PDE4D: variants seen among roughly 807,000 people sequenced by gnomAD.
The protein encoded by PDE4D is phosphodiesterase 4D.
In PDE4D, 24 loss-of-function variants were observed where a neutral mutation model predicts 87.4. That is an observed-to-expected ratio of 0.27 (90% CI 0.20 to 0.39). The LOEUF (loss-of-function observed/expected upper bound fraction) is 0.39, where lower values mean the gene tolerates loss of function less well. Among genes scored for constraint, PDE4D ranks in the 10% least tolerant of loss-of-function variants. PDE4D has a pLI of 1.00. For synonymous variants in PDE4D, 384 were observed against 383.2 expected (o/e 1.00, Z -0.02); for missense variants, 714 against 1,041.0 (o/e 0.69, Z 4.32).
chr5:60,127,885 A>C (rs1196416713), intron 2 of PDE4D, among the ~76,000 whole-genome samples: 1 of 152,152 alleles, frequency 6.6e-6, no homozygotes, highest in African/African-American at 2.4e-5. Flanking sequence ...AGTGTAAGGC[A>C]ATAAAAAGGA....
In PDE4D at chr5:59,612,028, C is replaced by G. The variant is rs1561322584; in HGVS notation, c.455+281140G>C. Among the ~76,000 whole-genome samples, 3 of 152,156 alleles carry G rather than the reference C, an allele frequency of 2.0e-5. 1 individual carries two copies. The South Asian group carries it at 6.2e-4, about 31-fold the overall frequency. ...GGTCAGAAACTATGATTTTGTCTCTCCTGAACAGCACAATGTCTCATTAAA... is the reference window on the plus strand; with the variant it reads ...GGTCAGAAACTATGATTTTGTCTCTGCTGAACAGCACAATGTCTCATTAAA... On this transcript the variant is annotated intron_variant, in intron 1 of 14. Transcript: ENST00000340635.
At chr5:59,934,780 C>G (rs187161859) in intron 3 of PDE4D, among the ~76,000 whole-genome samples, 1 of 151,860 alleles carries the variant, frequency 6.6e-6, no homozygotes, top group Non-Finnish European at 1.5e-5. Context: ...AAGATTGGTA[C>G]GAGATCTTTA....
At chr5:58,986,657 G>A (rs571518625) in intron 11 of PDE4D, among the ~76,000 whole-genome samples, 105 of 152,300 alleles carry the variant, frequency 6.9e-4, no homozygotes, top group African/African-American at 2.3e-3. Context: ...AGATGGAACA[G>A]TTTCATCCCA....
At chr5:60,069,177 T>C (rs1383475223) in intron 2 of PDE4D, among the ~76,000 whole-genome samples, 1 of 152,196 alleles carries the variant, frequency 6.6e-6, no homozygotes. Flanking sequence ...AATGTTGGTG[T>C]CACCCAAAAT....
At chr5:59,756,051 T>C (rs760633401) in intron 1 of PDE4D, among the ~76,000 whole-genome samples, 1 of 151,616 alleles carries the variant, frequency 6.6e-6, no homozygotes. Flanking sequence ...ATAATATTTC[T>C]ATGCTAAACC....
At chr5:60,496,085 T>C (rs551923278) in intron 1 of PDE4D, among the ~76,000 whole-genome samples, 3 of 152,298 alleles carry the variant, frequency 2.0e-5, no homozygotes, top group Admixed American at 1.3e-4. Flanking sequence ...CTATTTCCTT[T>C]TGCTGCCAAT....
At chr5:60,495,938 G>A (rs1426431361) in intron 1 of PDE4D, among the ~76,000 whole-genome samples, 1 of 152,188 alleles carries the variant, frequency 6.6e-6, no homozygotes, top group Non-Finnish European at 1.5e-5. Context: ...AAGCAAAACA[G>A]GGCTATTTGT....
At chr5:60,275,095 G>GTGC (rs147863849) in intron 1 of PDE4D, among the ~76,000 whole-genome samples, 11 of 152,262 alleles carry the variant, frequency 7.2e-5, no homozygotes, top group Admixed American at 2.0e-4. Context: ...AAGTTTCCAA[G>GTGC]TGCTGCTGCT....
At chr5:59,855,092 T>A (rs550622768) in intron 1 of PDE4D, among the ~76,000 whole-genome samples, 4 of 152,178 alleles carry the variant, frequency 2.6e-5, no homozygotes, top group African/African-American at 9.6e-5. Context: ...ATCCAGTAAG[T>A]CTAGAAGGGG....
chr5:59,508,563 A>T (rs980998779), intron 1 of PDE4D, among the ~76,000 whole-genome samples: 11 of 151,938 alleles, frequency 7.2e-5, no homozygotes, highest in African/African-American at 2.4e-4. Context: ...GAAAATGCAT[A>T]AAAAAAATAA....
intron 1 of PDE4D, among the ~76,000 whole-genome samples, chr5:60,468,444 C>T (rs1186875266): frequency 6.6e-6 from 1 of 151,562 alleles, no homozygotes; most frequent in Non-Finnish European, 1.5e-5. Context: ...CAGTCTACAT[C>T]CTAACTTTTC....
At chr5:60,423,675 G>A (rs1260969333) in intron 1 of PDE4D, among the ~76,000 whole-genome samples, 3 of 151,950 alleles carry the variant, frequency 2.0e-5, no homozygotes, top group Non-Finnish European at 4.4e-5. Context: ...GCTAGCAGAA[G>A]ACAAGAAATA....
At chr5:59,369,401 G>C (rs1442960326) in intron 1 of PDE4D, among the ~76,000 whole-genome samples, 4 of 152,084 alleles carry the variant, frequency 2.6e-5, no homozygotes, top group African/African-American at 9.7e-5. Flanking sequence ...AATAGTCTTA[G>C]GTTTAATTCC....
chr5:60,275,273 A>G (rs776653424), intron 1 of PDE4D, among the ~76,000 whole-genome samples: 14 of 152,202 alleles, frequency 9.2e-5, no homozygotes, highest in Non-Finnish European at 2.9e-5. Context: ...TCTTCATTAC[A>G]TAAGTAAGGA....
At chr5:59,702,578 G>A (rs1752740673) in intron 1 of PDE4D, among the ~76,000 whole-genome samples, 1 of 151,712 alleles carries the variant, frequency 6.6e-6, no homozygotes, top group African/African-American at 2.4e-5. Flanking sequence ...TGTTTCCCAT[G>A]GCCAGATGCA....
chr5:59,440,934 G>C (rs1259601525), intron 1 of PDE4D, among the ~76,000 whole-genome samples: 1 of 152,084 alleles, frequency 6.6e-6, no homozygotes, highest in Non-Finnish European at 1.5e-5. Context: ...GCTTATCTTT[G>C]AGCAGATTTA....
intron 1 of PDE4D, among the ~76,000 whole-genome samples, chr5:59,745,932 T>C (rs1463451993): frequency 3.3e-5 from 5 of 152,158 alleles, no homozygotes; most frequent in African/African-American, 1.2e-4. Flanking sequence ...ATTTGTTTTA[T>C]TAACAATTAT....
chr5:59,016,209 T>C (rs1039798281), intron 6 of PDE4D, among the ~76,000 whole-genome samples: 34 of 152,176 alleles, frequency 2.2e-4, no homozygotes, highest in African/African-American at 8.2e-4. Flanking sequence ...CACACCAACA[T>C]GGCACATGTA....
intron 1 of PDE4D, among the ~76,000 whole-genome samples, chr5:59,864,012 A>G (rs1561784540): frequency 6.6e-6 from 1 of 152,194 alleles, no homozygotes; most frequent in Non-Finnish European, 1.5e-5. Flanking sequence ...AGCACACAGC[A>G]CAGCATCATT....
Sources: allele counts gnomAD v4.1 joint callset (sites outside exome capture counted in the v4.1 genomes callset), GRCh38; gene constraint gnomAD v4.1.1; transcripts MANE v1.5; gene names NCBI Gene and HGNC (gene_info 2026-07-23, HGNC 2026-07-21).